The following FHIT variants were observed in gnomAD, a reference collection of about 807,000 sequenced individuals.
FHIT encodes bis(5'-adenosyl)-triphosphatase.
Under a neutral mutation model 17.9 loss-of-function variants are expected in FHIT, and 19 were observed. That is an observed-to-expected ratio of 1.06 (90% CI 0.74 to 1.56). The LOEUF is 1.56. Ranked by LOEUF, FHIT falls within the 40% of genes most tolerant of loss-of-function variation. FHIT has a pLI of 0.00. For synonymous variants in FHIT, 81 were observed against 69.7 expected (o/e 1.16, Z -0.81); for missense variants, 248 against 189.2 (o/e 1.31, Z -1.82).
chr3:59,891,044 G>A (rs543452626), intron 8 of FHIT, among the ~76,000 whole-genome samples: 7 of 152,232 alleles, frequency 4.6e-5, no homozygotes, highest in South Asian at 4.1e-4. Flanking sequence ...TTTATGCAAC[G>A]TAAGGTCAGA....
intron 5 of FHIT, among the ~76,000 whole-genome samples, chr3:60,260,604 T>A (rs936538294): frequency 6.6e-6 from 1 of 152,010 alleles, no homozygotes; most frequent in Non-Finnish European, 1.5e-5. Context: ...TATTATGCTA[T>A]TTTTTTCTTG....
intron 7 of FHIT, among the ~76,000 whole-genome samples, chr3:59,950,164 T>A (rs1186375771): frequency 6.6e-6 from 1 of 152,092 alleles, no homozygotes. Flanking sequence ...GTTCTAAAGA[T>A]CACATGCAAT....
intron 5 of FHIT, among the ~76,000 whole-genome samples, chr3:60,272,120 C>T (rs1216141139): frequency 6.6e-6 from 1 of 152,218 alleles, no homozygotes; most frequent in Non-Finnish European, 1.5e-5. Context: ...CTCATGAAGG[C>T]TTGCTGATGG....
Position 61,063,762 on chromosome 3 carries a change from T to A in FHIT, c.-163-21663A>T, listed in dbSNP as rs114209345. 2.0e-3 allele frequency among the ~76,000 whole-genome samples: 309 copies of A among 152,036 alleles called. 4 individuals are homozygous for A. The Middle Eastern group carries it at 0.02, about 10-fold the overall frequency. On this transcript the variant is annotated intron_variant, in intron 2 of 9. Coordinates refer to ENST00000492590, the MANE Select transcript of FHIT (RefSeq NM_002012.4). ...GGGAAGAAGGCAATACTCTCATGTGTGTATGTGGTTCAAATGTTGCCAAAT... is the reference window on the plus strand; with the variant it reads ...GGGAAGAAGGCAATACTCTCATGTGAGTATGTGGTTCAAATGTTGCCAAAT...
At chr3:61,235,509 A>T (rs2040208990) in intron 1 of FHIT, among the ~76,000 whole-genome samples, 1 of 152,118 alleles carries the variant, frequency 6.6e-6, no homozygotes, top group South Asian at 2.1e-4. Flanking sequence ...TTTAGGTCCT[A>T]AAGAGGCCCA....
chr3:59,749,892 G>GTTGT (rs1447104091), intron 9 of FHIT: 2 of 225,624 alleles, frequency 8.9e-6, no homozygotes, highest in Non-Finnish European at 1.8e-5. Context: ...AGGACCCTAA[G>GTTGT]TTGTTTGCCA....
At chr3:61,150,957 T>A (rs905435522) in intron 2 of FHIT, among the ~76,000 whole-genome samples, 2 of 152,274 alleles carry the variant, frequency 1.3e-5, no homozygotes, top group Non-Finnish European at 2.9e-5. Flanking sequence ...GCATTTTTTT[T>A]ATATTTCATT....
At chr3:59,931,099 G>C (rs956582439) in intron 7 of FHIT, among the ~76,000 whole-genome samples, 1 of 152,176 alleles carries the variant, frequency 6.6e-6, no homozygotes, top group African/African-American at 2.4e-5. Flanking sequence ...GAAATACATA[G>C]GTAAAGTGCT....
intron 5 of FHIT, among the ~76,000 whole-genome samples, chr3:60,442,552 A>T (rs895396384): frequency 9.2e-5 from 14 of 152,040 alleles, no homozygotes; most frequent in Non-Finnish European, 1.9e-4. Flanking sequence ...TTTCTTGTTT[A>T]TGTCAGGTTT....
intron 5 of FHIT, among the ~76,000 whole-genome samples, chr3:60,346,004 G>T (rs1011032670): frequency 2.0e-5 from 3 of 152,116 alleles, no homozygotes; most frequent in Non-Finnish European, 4.4e-5. Context: ...GCAAAGCTTG[G>T]TCTTATCTAT....
chr3:60,385,344 G>C (rs373725806), intron 5 of FHIT, among the ~76,000 whole-genome samples: 1 of 152,152 alleles, frequency 6.6e-6, no homozygotes, highest in African/African-American at 2.4e-5. Context: ...CAGTATACAT[G>C]GCTTTGTGTA....
chr3:59,903,252 G>T (rs1704417253), intron 8 of FHIT, among the ~76,000 whole-genome samples: 1 of 152,148 alleles, frequency 6.6e-6, no homozygotes. Context: ...GAGACAGAAA[G>T]TAGATTAGTA....
At chr3:60,593,599 G>C (rs1287717507) in intron 4 of FHIT, among the ~76,000 whole-genome samples, 1 of 152,062 alleles carries the variant, frequency 6.6e-6, no homozygotes, top group Non-Finnish European at 1.5e-5. Context: ...AATATTCTTG[G>C]AGTATGTTAT....
At chr3:60,857,249 G>A (rs935217995) in intron 3 of FHIT, among the ~76,000 whole-genome samples, 1 of 152,084 alleles carries the variant, frequency 6.6e-6, no homozygotes, top group Non-Finnish European at 1.5e-5. Flanking sequence ...ATAGAAAAAA[G>A]TTACTCAGAG....
chr3:60,739,026 C>T (rs1361178040), intron 4 of FHIT, among the ~76,000 whole-genome samples: 3 of 152,148 alleles, frequency 2.0e-5, no homozygotes, highest in African/African-American at 4.8e-5. Flanking sequence ...AATGTCTGAA[C>T]GCCGAGAGGA....
At chr3:59,963,348 C>A (rs974105591) in intron 7 of FHIT, among the ~76,000 whole-genome samples, 2 of 151,950 alleles carry the variant, frequency 1.3e-5, no homozygotes, top group African/African-American at 2.4e-5. Flanking sequence ...TAAATTGAGT[C>A]GAAAACTCAT....
In FHIT at chr3:59,903,637, A is replaced by G. The variant is rs183065541; in HGVS notation, c.348+18709T>C. Among the ~76,000 whole-genome samples the G allele has an allele frequency of 4.6e-5, 7 of 152,342 alleles. No homozygotes were observed. In the East Asian group the frequency reaches 1.3e-3, roughly 29 times the overall value. On this transcript the variant is annotated intron_variant, in intron 8 of 9. Transcript: ENST00000492590. Reference sequence around the variant, plus strand: ...ACATATGTGTGGTGAGGTCTAGAAGAGGAGGATTATTGTAGCCTGGAGTAG... The same window carrying G: ...ACATATGTGTGGTGAGGTCTAGAAGGGGAGGATTATTGTAGCCTGGAGTAG...
intron 3 of FHIT, among the ~76,000 whole-genome samples, chr3:61,035,252 TG>T (rs1225240042): frequency 6.6e-6 from 1 of 152,218 alleles, no homozygotes; most frequent in African/African-American, 2.4e-5. Context: ...TAAACGCCAC[TG>T]GATTGCTCAC....
At chr3:60,257,992 G>A (rs1391893969) in intron 5 of FHIT, among the ~76,000 whole-genome samples, 1 of 150,992 alleles carries the variant, frequency 6.6e-6, no homozygotes, top group Non-Finnish European at 1.5e-5. Context: ...AAACCACCAT[G>A]GCACATGTTT....
Sources: allele counts gnomAD v4.1 joint callset (sites outside exome capture counted in the v4.1 genomes callset), GRCh38; gene constraint gnomAD v4.1.1; transcripts MANE v1.5; gene names NCBI Gene and HGNC (gene_info 2026-07-23, HGNC 2026-07-21).